The following HDAC9 variants were observed in gnomAD, a reference collection of about 807,000 sequenced individuals.
HDAC9 encodes the protein histone deacetylase 9.
Under a neutral mutation model 139.4 loss-of-function variants are expected in HDAC9, and 41 were observed. The ratio of observed to expected loss-of-function variants is 0.29; its 90% confidence interval spans 0.23 to 0.38. The LOEUF (loss-of-function observed/expected upper bound fraction) is 0.38. HDAC9 is among the 10% of genes least tolerant of loss of function. HDAC9 has a pLI of 1.00. For synonymous variants in HDAC9, 517 were observed against 476.2 expected (o/e 1.09, Z -1.12); for missense variants, 1,147 against 1,297.0 (o/e 0.88, Z 1.78).
upstream of HDAC9, among the ~76,000 whole-genome samples, chr7:18,286,862 T>C (rs1173727521): frequency 1.3e-5 from 2 of 152,194 alleles, no homozygotes; most frequent in African/African-American, 4.8e-5. Flanking sequence ...TCTTTTTAAA[T>C]TGATGCACAA....
intron 21 of HDAC9, among the ~76,000 whole-genome samples, chr7:18,839,844 T>C (rs1384180888): frequency 3.9e-5 from 6 of 152,062 alleles, no homozygotes; most frequent in Admixed American, 6.6e-5. Flanking sequence ...TTATTTTTTC[T>C]AAAGACTAAT....
intron 22 of HDAC9, among the ~76,000 whole-genome samples, chr7:18,896,125 A>G (rs1801177898): frequency 6.6e-6 from 1 of 152,054 alleles, no homozygotes; most frequent in African/African-American, 2.4e-5. Context: ...AAACTATTTT[A>G]TGAAATATGA....
chr7:18,642,594 A>G (rs527487944), intron 8 of HDAC9, among the ~76,000 whole-genome samples: 35 of 152,148 alleles, frequency 2.3e-4, no homozygotes, highest in South Asian at 1.9e-3. Context: ...CTGGCCCAGG[A>G]CACCATGGTA....
intron 2 of HDAC9, among the ~76,000 whole-genome samples, chr7:18,175,199 C>A (rs1034394058): frequency 1.3e-5 from 2 of 152,190 alleles, no homozygotes; most frequent in East Asian, 1.9e-4. Flanking sequence ...TGCTGCCTTG[C>A]AGGTCCATCT....
At chr7:18,708,674 AT>A (rs934377934) in intron 12 of HDAC9, among the ~76,000 whole-genome samples, 1 of 152,166 alleles carries the variant, frequency 6.6e-6, no homozygotes, top group Non-Finnish European at 1.5e-5. Flanking sequence ...GAGAACTTGA[AT>A]GGTGAAAGGT....
At chr7:18,229,819 T>C (rs1265888080) in intron 2 of HDAC9, among the ~76,000 whole-genome samples, 1 of 152,154 alleles carries the variant, frequency 6.6e-6, no homozygotes, top group Admixed American at 6.5e-5. Context: ...GATTCAAAGA[T>C]CAAATTCTTC....
Position 18,364,481 on chromosome 7 carries a change from T to A in HDAC9, c.-42+73966T>A, listed in dbSNP as rs76713518. Among the ~76,000 whole-genome samples, 1,728 of 151,942 alleles carry A rather than the reference T, an allele frequency of 0.011. 85 individuals are homozygous for A. In the East Asian group the frequency reaches 0.15, roughly 14 times the overall value. Reference sequence around the variant, plus strand: ...AGTCAGAAAATGGTGAGAATTAGCATGGGGTGTGTTTTGAAAGTAAAGAAG... The same window carrying A: ...AGTCAGAAAATGGTGAGAATTAGCAAGGGGTGTGTTTTGAAAGTAAAGAAG... On this transcript the variant is annotated intron_variant, in intron 1 of 3. Coordinates refer to the HDAC9 transcript ENST00000413509.
intron 22 of HDAC9, among the ~76,000 whole-genome samples, chr7:18,891,103 G>T (rs1316588938): frequency 6.6e-6 from 1 of 152,118 alleles, no homozygotes; most frequent in African/African-American, 2.4e-5. Context: ...TCATTTGTTT[G>T]CACTTTTCTG....
At chr7:18,949,348 A>G (rs1057258491) in intron 23 of HDAC9, 3 of 259,516 alleles carry the variant, frequency 1.2e-5, no homozygotes, top group Non-Finnish European at 2.3e-5. Context: ...CTTTCCAGAT[A>G]TACTTAAGAG....
intron 12 of HDAC9, among the ~76,000 whole-genome samples, chr7:18,698,215 T>C (rs1266098917): frequency 4.6e-5 from 7 of 152,180 alleles, no homozygotes; most frequent in African/African-American, 1.7e-4. Context: ...AATGCCTAAA[T>C]AAACTTTATT....
chr7:18,089,959 T>C (rs921972899), intron 1 of HDAC9, among the ~76,000 whole-genome samples: 2 of 152,184 alleles, frequency 1.3e-5, no homozygotes, highest in Admixed American at 6.5e-5. Context: ...TATTACTGTT[T>C]AAGTTGGTGG....
intron 6 of HDAC9, among the ~76,000 whole-genome samples, chr7:18,603,339 G>A (rs984843028): frequency 4.6e-5 from 7 of 151,798 alleles, no homozygotes; most frequent in African/African-American, 1.7e-4. Flanking sequence ...GTTTGTAACT[G>A]TTTTCTTCAT....
At chr7:18,157,426 T>C (rs1171748322) in intron 1 of HDAC9, among the ~76,000 whole-genome samples, 1 of 152,174 alleles carries the variant, frequency 6.6e-6, no homozygotes, top group Non-Finnish European at 1.5e-5. Flanking sequence ...TAAGGAGCTG[T>C]GTGTCACCAA....
intron 1 of HDAC9, among the ~76,000 whole-genome samples, chr7:18,157,212 A>G (rs958927512): frequency 6.6e-6 from 1 of 152,220 alleles, no homozygotes; most frequent in African/African-American, 2.4e-5. Flanking sequence ...TAGTCAGCTG[A>G]TATGTTTTAG....
At chr7:18,895,088 G>A (rs2129274169) in intron 22 of HDAC9, among the ~76,000 whole-genome samples, 1 of 152,204 alleles carries the variant, frequency 6.6e-6, no homozygotes, top group South Asian at 2.1e-4. Flanking sequence ...GAGTGAAAAA[G>A]GGGATCTACT....
intron 2 of HDAC9, among the ~76,000 whole-genome samples, chr7:18,231,561 C>T (rs540827723): frequency 6.6e-6 from 1 of 152,126 alleles, no homozygotes; most frequent in Non-Finnish European, 1.5e-5. Context: ...AATTAGAGAG[C>T]TCTAGAAAGT....
At chr7:18,902,586 A>G (rs577956594) in intron 22 of HDAC9, among the ~76,000 whole-genome samples, 7 of 152,334 alleles carry the variant, frequency 4.6e-5, no homozygotes, top group Non-Finnish European at 7.4e-5. Context: ...TTTATTTCTA[A>G]TAGAATTGCC....
intron 1 of HDAC9, among the ~76,000 whole-genome samples, chr7:18,103,876 T>C (rs747951525): frequency 6.6e-6 from 1 of 152,032 alleles, no homozygotes; most frequent in East Asian, 1.9e-4. Flanking sequence ...TAAAAACAAG[T>C]CTGAAAATTG....
intron 1 of HDAC9, among the ~76,000 whole-genome samples, chr7:18,406,771 A>C (rs547680489): frequency 3.3e-5 from 5 of 152,272 alleles, no homozygotes; most frequent in Admixed American, 3.3e-4. Flanking sequence ...ATATTGTATG[A>C]AACATCTCTC....
Sources: allele counts gnomAD v4.1 joint callset (sites outside exome capture counted in the v4.1 genomes callset), GRCh38; gene constraint gnomAD v4.1.1; transcripts MANE v1.5; gene names NCBI Gene and HGNC (gene_info 2026-07-23, HGNC 2026-07-21).